Variants in CCSER1 observed in about 807,000 individuals in gnomAD.
CCSER1 encodes serine-rich coiled-coil domain-containing protein 1.
In CCSER1, 41 loss-of-function variants were observed where a neutral mutation model predicts 82.0. The observed-to-expected ratio is 0.50, with a 90% CI of 0.39 to 0.65. CCSER1 has a LOEUF of 0.65. Among genes scored for constraint, CCSER1 ranks in the 30% least tolerant of loss-of-function variants. The pLI, the probability that CCSER1 is intolerant of heterozygous loss-of-function variation, is 0.00. For missense variants in CCSER1, 1,119 were observed against 1,064.2 expected, an observed-to-expected ratio of 1.05 and a Z score of -0.72; for synonymous variants, 414 against 383.9, an observed-to-expected ratio of 1.08 and a Z score of -0.92.
chr4:90,643,913 A>C (rs1440892105), intron 6 of CCSER1, among the ~76,000 whole-genome samples: 1 of 152,116 alleles, frequency 6.6e-6, no homozygotes, highest in Non-Finnish European at 1.5e-5. Flanking sequence ...CCCCTTAAAA[A>C]GTTTTTTTTA....
intron 3 of CCSER1, among the ~76,000 whole-genome samples, chr4:90,350,888 T>C (rs964012750): frequency 3.3e-5 from 5 of 152,160 alleles, no homozygotes; most frequent in Non-Finnish European, 5.9e-5. Context: ...AAAATATCAA[T>C]GGTTTTTAAA....
At chr4:91,142,300 T>A (rs1231432087) in intron 10 of CCSER1, among the ~76,000 whole-genome samples, 1 of 152,206 alleles carries the variant, frequency 6.6e-6, no homozygotes, top group Non-Finnish European at 1.5e-5. Flanking sequence ...TGACTGTCTC[T>A]TGCTTTCTGC....
rs1458008944 is a variant in CCSER1 at position 91,556,631 on chromosome 4, AT to A, written c.2218-41940del. ...TAATAATTACTGGATGAAATATGTT[AT>A]ATAAAGAGCAATCCTGCCGACTCCA... On this transcript the variant is annotated intron_variant, in intron 10 of 10. Transcript: ENST00000509176. 2.6e-4 allele frequency among the ~76,000 whole-genome samples: 39 copies of A among 151,164 alleles called. No homozygotes were observed. The Admixed American group carries it at 2.6e-3, about 10-fold the overall frequency.
chr4:90,164,758 C>T (rs1730138765), intron 1 of CCSER1, among the ~76,000 whole-genome samples: 1 of 151,986 alleles, frequency 6.6e-6, no homozygotes, highest in East Asian at 1.9e-4. Context: ...ATATTTTGGT[C>T]ATTGTTATAT....
At chr4:90,644,454 AT>A (rs112737998) in intron 6 of CCSER1, among the ~76,000 whole-genome samples, 2,285 of 151,990 alleles carry the variant, frequency 0.015, 32 homozygotes, top group Middle Eastern at 0.031. Context: ...CTCAATCTGT[AT>A]TTTTTTTATT....
chr4:90,405,720 C>A (rs1318875864), intron 4 of CCSER1, among the ~76,000 whole-genome samples: 2 of 152,066 alleles, frequency 1.3e-5, no homozygotes, highest in Admixed American at 1.3e-4. Context: ...CCTTCTTAAA[C>A]AAAACAATTA....
chr4:90,561,520 C>A (rs924645320), intron 5 of CCSER1, among the ~76,000 whole-genome samples: 5 of 152,216 alleles, frequency 3.3e-5, no homozygotes, highest in Non-Finnish European at 1.5e-5. Flanking sequence ...AGATATCAAT[C>A]ATAACTTATG....
At chr4:90,248,943 G>T (rs565616704) in intron 1 of CCSER1, among the ~76,000 whole-genome samples, 2 of 151,858 alleles carry the variant, frequency 1.3e-5, no homozygotes, top group Non-Finnish European at 2.9e-5. Flanking sequence ...CAGACGATCC[G>T]CCTTGGCTTC....
At chr4:90,520,682 C>A (rs955019342) in intron 5 of CCSER1, among the ~76,000 whole-genome samples, 3 of 152,098 alleles carry the variant, frequency 2.0e-5, no homozygotes, top group Admixed American at 6.6e-5. Context: ...GTGCAAAGTT[C>A]TTTTATGAAA....
At chr4:90,867,950 A>G (rs912695518) in intron 8 of CCSER1, among the ~76,000 whole-genome samples, 2 of 152,064 alleles carry the variant, frequency 1.3e-5, no homozygotes, top group South Asian at 2.1e-4. Flanking sequence ...TTGTCTGTTC[A>G]TGGACAATTA....
At chr4:90,746,357 AT>A (rs1271724814) in intron 7 of CCSER1, among the ~76,000 whole-genome samples, 1 of 152,216 alleles carries the variant, frequency 6.6e-6, no homozygotes, top group East Asian at 1.9e-4. Context: ...CCTCTCAAAT[AT>A]TTTATCCTAT....
chr4:90,303,933 A>G (rs1159770724), intron 1 of CCSER1, among the ~76,000 whole-genome samples: 1 of 152,068 alleles, frequency 6.6e-6, no homozygotes, highest in Non-Finnish European at 1.5e-5. Flanking sequence ...AGAATCTACA[A>G]TGAACTCAAA....
At chr4:90,412,028 G>A (rs1262357142) in intron 4 of CCSER1, among the ~76,000 whole-genome samples, 3 of 151,820 alleles carry the variant, frequency 2.0e-5, no homozygotes, top group South Asian at 2.1e-4. Flanking sequence ...TGTTTATTGC[G>A]GCACTATTCA....
chr4:91,576,650 G>A (rs75530555), intron 10 of CCSER1, among the ~76,000 whole-genome samples: 10,410 of 151,980 alleles, frequency 0.068, 388 homozygotes, highest in Middle Eastern at 0.099. Context: ...TTATGGATAT[G>A]TCTTGGGAGG....
At chr4:90,643,815 TA>T (rs34216407) in intron 6 of CCSER1, among the ~76,000 whole-genome samples, 22,695 of 152,082 alleles carry the variant, frequency 0.15, 2,060 homozygotes, top group East Asian at 0.33. Context: ...ATAAGGGGAT[TA>T]AAAAAATCAT....
chr4:91,135,117 GA>G (rs1304427743), intron 10 of CCSER1, among the ~76,000 whole-genome samples: 1 of 150,908 alleles, frequency 6.6e-6, no homozygotes. Flanking sequence ...GACTACAAAA[GA>G]AAAAACAGTA....
At chr4:90,912,784 A>G (rs944722526) in intron 8 of CCSER1, among the ~76,000 whole-genome samples, 1 of 152,206 alleles carries the variant, frequency 6.6e-6, no homozygotes, top group Admixed American at 6.5e-5. Context: ...AGTGTAGAGA[A>G]GTCCTTAAAG....
At chr4:91,402,391 T>C (rs1017115455) in intron 10 of CCSER1, among the ~76,000 whole-genome samples, 5 of 152,206 alleles carry the variant, frequency 3.3e-5, no homozygotes, top group African/African-American at 1.2e-4. Context: ...AGAAGCTCTT[T>C]AGTTTAATTA....
chr4:90,684,875 A>G (rs1433437530), intron 6 of CCSER1, among the ~76,000 whole-genome samples: 2 of 152,146 alleles, frequency 1.3e-5, no homozygotes, highest in Non-Finnish European at 2.9e-5. Context: ...GGTGCCATCC[A>G]TGTTAGGCGT....
Sources: allele counts gnomAD v4.1 joint callset (sites outside exome capture counted in the v4.1 genomes callset), GRCh38; gene constraint gnomAD v4.1.1; transcripts MANE v1.5; gene names NCBI Gene and HGNC (gene_info 2026-07-23, HGNC 2026-07-21).